The following RALGPS1 variants were observed in gnomAD, a reference collection of about 807,000 sequenced individuals.
RALGPS1 encodes ras-specific guanine nucleotide-releasing factor RalGPS1.
Under a neutral mutation model 78.8 loss-of-function variants are expected in RALGPS1, and 19 were observed. The ratio of observed to expected loss-of-function variants is 0.24; its 90% CI spans 0.17 to 0.35. The LOEUF is 0.35. RALGPS1 is among the 10% of genes least tolerant of loss of function. The pLI is 1.00. For synonymous variants in RALGPS1, 228 were observed against 256.3 expected, an observed-to-expected ratio of 0.89 and a Z score of 1.06; for missense variants, 454 against 688.3, an observed-to-expected ratio of 0.66 and a Z score of 3.81.
At chr9:127,156,592 C>T (rs1329328932) in intron 8 of RALGPS1, among the ~76,000 whole-genome samples, 1 of 152,142 alleles carries the variant, frequency 6.6e-6, no homozygotes, top group African/African-American at 2.4e-5. Flanking sequence ...TCTTTTGTAA[C>T]ATTATTTGCA....
At position 127,191,690 on chromosome 9, in the gene RALGPS1, G is replaced by GT. The variant is rs898476778; in HGVS notation, c.911-3392dup. 9.2e-3 allele frequency among the ~76,000 whole-genome samples: 1,030 copies of GT among 111,548 alleles called. 8 individuals are homozygous for GT. The highest frequency in any genetic ancestry group is 0.013 in the South Asian group (29 of 2,184). The allele number at this position is 111,548 out of a possible 152,430, so 73.2% of individuals were successfully genotyped here. On this transcript the variant is annotated intron_variant, in intron 11 of 18. Coordinates refer to ENST00000259351, the MANE Select transcript of RALGPS1 (RefSeq NM_014636.3). ...AGGTTTTTTTGTTTTTGTTTTTTGG[G>GT]TTTTTTTTTGTTTTTTTTTTTTTTT...
intron 1 of RALGPS1, among the ~76,000 whole-genome samples, chr9:126,951,537 C>G (rs1451044824): frequency 6.6e-6 from 1 of 150,494 alleles, no homozygotes; most frequent in South Asian, 2.1e-4. Flanking sequence ...TAAATGTAAT[C>G]CAGCATATAA....
intron 8 of RALGPS1, among the ~76,000 whole-genome samples, chr9:127,129,920 T>C (rs910948987): frequency 1.6e-4 from 24 of 152,222 alleles, no homozygotes; most frequent in African/African-American, 5.3e-4. Context: ...CAGGATCTGC[T>C]CTTTGGCACC....
At chr9:126,982,297 G>A (rs1160528846) in intron 4 of RALGPS1, among the ~76,000 whole-genome samples, 1 of 152,194 alleles carries the variant, frequency 6.6e-6, no homozygotes, top group Non-Finnish European at 1.5e-5. Context: ...GTCAAATACA[G>A]TTAGTCTAAC....
intron 4 of RALGPS1, among the ~76,000 whole-genome samples, chr9:127,006,474 T>C (rs1254050049): frequency 2.6e-5 from 4 of 152,190 alleles, no homozygotes; most frequent in Non-Finnish European, 5.9e-5. Flanking sequence ...TTTGTTGATA[T>C]CTAAATTTAG....
intron 14 of RALGPS1, among the ~76,000 whole-genome samples, chr9:127,208,369 C>T (rs546522353): frequency 6.6e-6 from 1 of 152,216 alleles, no homozygotes; most frequent in Non-Finnish European, 1.5e-5. Context: ...GTCCCAATGA[C>T]AGACCCCACC....
chr9:127,030,936 G>A (rs536028161), intron 4 of RALGPS1, among the ~76,000 whole-genome samples: 1 of 152,284 alleles, frequency 6.6e-6, no homozygotes, highest in Non-Finnish European at 1.5e-5. Flanking sequence ...GTGACAGGAG[G>A]AAGGTCTCAG....
rs60707997 is a variant in RALGPS1 at position 127,146,542 on chromosome 9, C to CTTT, written c.611-19511_611-19509dup. Among the ~76,000 whole-genome samples the CTTT allele has an allele frequency of 9.9e-4, 129 of 130,822 alleles. 2 individuals carry two copies. The highest frequency in any genetic ancestry group is 3.5e-3 in the African/African-American group (124 of 35,166). The allele number at this position is 130,822 out of a possible 152,430, so 85.8% of individuals were successfully genotyped here. On this transcript the variant is annotated intron_variant, in intron 8 of 18. Transcript: ENST00000259351. ...GTGATGAACATGTGAGTGCATGTGT[C>CTTT]TTTTTTTTTTTTTTTTTTGACTCAG...
intron 8 of RALGPS1, among the ~76,000 whole-genome samples, chr9:127,152,490 G>C (rs1184522186): frequency 6.6e-6 from 1 of 152,182 alleles, no homozygotes; most frequent in Non-Finnish European, 1.5e-5. Flanking sequence ...CCTCCGATCA[G>C]CTCCTACTGG....
In RALGPS1 at chr9:127,218,447, A is replaced by T. The variant is rs963178493; in HGVS notation, c.1645-293A>T. On this transcript the variant is annotated intron_variant, in intron 18 of 18. Coordinates refer to ENST00000259351, the MANE Select transcript of RALGPS1 (RefSeq NM_014636.3). The surrounding 1 kb of genome is among the most constrained non-coding windows in gnomAD (Gnocchi z 4.4). Reference sequence around the variant, plus strand: ...CCTGCTGCTTACTTGCTGTGTACTGAACCTCCCTAAGCCTCAGTTTCCTGT... The same window carrying T: ...CCTGCTGCTTACTTGCTGTGTACTGTACCTCCCTAAGCCTCAGTTTCCTGT... Among the ~76,000 whole-genome samples, 2 of 152,130 alleles carry T rather than the reference A, an allele frequency of 1.3e-5. No individual in the cohort carries two copies. The highest frequency in any genetic ancestry group is 2.9e-5 in the Non-Finnish European group (2 of 68,004).
At position 127,091,765 on chromosome 9, in the gene RALGPS1, C is replaced by A. The variant is rs762189652; in HGVS notation, c.610+22409C>A. ...CGCATTGCCATGGTAGCGCCCCAGCCGCAGCTTATAATACTCGCTCTCAGG... is the reference window on the plus strand; with the variant it reads ...CGCATTGCCATGGTAGCGCCCCAGCAGCAGCTTATAATACTCGCTCTCAGG... On this transcript the variant is annotated intron_variant, in intron 8 of 18. Coordinates refer to ENST00000259351, the MANE Select transcript of RALGPS1 (RefSeq NM_014636.3). The surrounding 1 kb of genome is among the most constrained non-coding windows in gnomAD (Gnocchi z 4.3). 6.2e-6 allele frequency: 10 copies of A among 1,614,164 alleles called. No homozygotes were observed. The highest frequency in any genetic ancestry group is 8.5e-6 in the Non-Finnish European group (10 of 1,180,038).
intron 1 of RALGPS1, among the ~76,000 whole-genome samples, chr9:126,956,252 G>C (rs1350889640): frequency 6.6e-6 from 1 of 152,180 alleles, no homozygotes; most frequent in African/African-American, 2.4e-5. Flanking sequence ...CTCAGGGCGG[G>C]GCTAGGCCAG....
intron 5 of RALGPS1, among the ~76,000 whole-genome samples, 186 bp from the exon 6 acceptor site, chr9:127,049,857 G>A (rs2048143563): frequency 6.6e-6 from 1 of 152,174 alleles, no homozygotes; most frequent in African/African-American, 2.4e-5. Context: ...TGAGAACACG[G>A]CCCATTTGCA....
chr9:127,017,386 AAATAT>A (rs1436307071), intron 4 of RALGPS1, among the ~76,000 whole-genome samples: 1 of 152,242 alleles, frequency 6.6e-6, no homozygotes, highest in Non-Finnish European at 1.5e-5. Context: ...GGTACAATAA[AAATAT>A]AATGTAAAAG....
chr9:127,053,045 C>T, intron 7 of RALGPS1, 106 bp downstream of exon 7: 1 of 821,504 alleles, frequency 1.2e-6, no homozygotes, highest in Non-Finnish European at 2.1e-6. Context: ...ACTTTGCCAA[C>T]AACAGAGTTA....
At chr9:126,924,011 G>A (rs753916050) in intron 1 of RALGPS1, among the ~76,000 whole-genome samples, 3 of 152,132 alleles carry the variant, frequency 2.0e-5, no homozygotes, top group Non-Finnish European at 2.9e-5. Context: ...TATAGTGTCC[G>A]TCTATCCTGA....
chr9:126,947,686 C>G (rs1156592275), intron 1 of RALGPS1, among the ~76,000 whole-genome samples: 1 of 152,156 alleles, frequency 6.6e-6, no homozygotes, highest in Non-Finnish European at 1.5e-5. Context: ...TGGCTTCTTT[C>G]ACTTGCTCTG....
chr9:127,093,025 A>G (rs1351494488), intron 8 of RALGPS1, among the ~76,000 whole-genome samples: 1 of 152,150 alleles, frequency 6.6e-6, no homozygotes, highest in East Asian at 1.9e-4. Context: ...AGCTGGGTCC[A>G]TAACAGAACC....
intron 4 of RALGPS1, among the ~76,000 whole-genome samples, chr9:126,990,412 C>T (rs950020992): frequency 6.6e-6 from 1 of 152,218 alleles, no homozygotes; most frequent in Non-Finnish European, 1.5e-5. Flanking sequence ...CCCTGCCCTG[C>T]TTAGCGCCCT....
Sources: gnomAD v4.1 joint callset for allele counts (sites outside exome capture counted in the v4.1 genomes callset) on GRCh38, gnomAD v4.1.1 for gene constraint, Gnocchi (gnomAD v3.1) non-coding constraint, MANE v1.5 for transcripts, NCBI Gene and HGNC (gene_info 2026-07-23, HGNC 2026-07-21) for gene names.